The following MCTP2 variants were observed in gnomAD, a reference collection of about 807,000 sequenced individuals.
The protein encoded by MCTP2 is multiple C2 and transmembrane domain containing 2, also known as multiple C2 and transmembrane domain-containing protein 2.
MCTP2 carries 132 observed loss-of-function variants against 111.6 expected under a neutral mutation model. The ratio of observed to expected loss-of-function variants is 1.18; its 90% CI spans 1.03 to 1.37. The LOEUF is 1.37. Ranked by LOEUF, MCTP2 falls within the 40% of genes most tolerant of loss-of-function variation. The probability of loss-of-function intolerance (pLI) is 0.00; values close to 1 mark genes in which losing one functional copy is unlikely to be tolerated. For missense variants in MCTP2, 1,183 were observed against 1,067.9 expected (o/e 1.11, Z -1.50); for synonymous variants, 395 against 387.7 (o/e 1.02, Z -0.22).
chr15:94,435,629 C>CTTTTTTTTTTTTTTTTTTT lies in MCTP2; in HGVS notation c.2086-4545_2086-4527dup, dbSNP rs202170550. On this transcript the variant is annotated intron_variant, in intron 17 of 22. Coordinates refer to ENST00000357742, the MANE Select transcript of MCTP2 (RefSeq NM_001385001.1). The stretch of plus-strand genomic sequence containing the variant: ...CTAAAAAAGTTGTACTTTTTTTATT[C>CTTTTTTTTTTTTTTTTTTT]TTTTTTTTTTTTTTTTTTTTGAGAC... Among the ~76,000 whole-genome samples the CTTTTTTTTTTTTTTTTTTT allele has an allele frequency of 8.5e-5, 10 of 117,926 alleles. 1 individual carries two copies. The highest frequency in any genetic ancestry group is 2.9e-4 in the South Asian group (1 of 3,430). 77.4% of individuals were successfully genotyped at this position (117,926 alleles called of 152,430 possible).
In MCTP2 at chr15:94,339,440, C is replaced by T; in HGVS notation, c.780+8C>T. On this transcript the variant is annotated splice_region_variant and intron_variant, in intron 5 of 22. Transcript: ENST00000357742. The stretch of plus-strand genomic sequence containing the variant: ...CAAAAGCTACGTGTGAAGGTAATCA[C>T]AGATAGCTTTCAAATCTGCTCCTTT... 1 of 1,575,386 alleles carries T rather than the reference C, an allele frequency of 6.3e-7. No homozygotes were observed.
intron 14 of MCTP2, among the ~76,000 whole-genome samples, chr15:94,388,662 A>G (rs536563338): frequency 3.3e-5 from 5 of 152,226 alleles, no homozygotes; most frequent in African/African-American, 1.2e-4. Context: ...AGTGATGCTT[A>G]CAATAGAATA....
chr15:94,406,086 A>G (rs1490603264), intron 17 of MCTP2, among the ~76,000 whole-genome samples: 2 of 152,220 alleles, frequency 1.3e-5, no homozygotes, highest in Admixed American at 1.3e-4. Context: ...ATTTATATAC[A>G]TACACAAGAC....
intron 10 of MCTP2, among the ~76,000 whole-genome samples, chr15:94,361,200 G>T (rs1286430604): frequency 4.1e-5 from 6 of 147,654 alleles, no homozygotes; most frequent in Non-Finnish European, 8.9e-5. Flanking sequence ...TGCATCAGGA[G>T]GCTCTCTGCT....
At chr15:94,401,264 G>C (rs1014597342) in intron 16 of MCTP2, among the ~76,000 whole-genome samples, 2 of 152,108 alleles carry the variant, frequency 1.3e-5, no homozygotes, top group African/African-American at 4.8e-5. Flanking sequence ...ATAAATGCTT[G>C]AAAGCACTTA....
intron 14 of MCTP2, among the ~76,000 whole-genome samples, chr15:94,397,656 T>C (rs2081348654): frequency 6.6e-6 from 1 of 152,178 alleles, no homozygotes; most frequent in Non-Finnish European, 1.5e-5. Flanking sequence ...TGGGGTGACT[T>C]TGGGAAGGAA....
intron 12 of MCTP2, among the ~76,000 whole-genome samples, chr15:94,370,785 C>T (rs1378842818): frequency 2.0e-5 from 3 of 152,138 alleles, no homozygotes; most frequent in East Asian, 1.9e-4. Context: ...TGTCTGACAG[C>T]GACTCCGCAC....
intron 17 of MCTP2, among the ~76,000 whole-genome samples, chr15:94,407,257 GA>G (rs1222937322): frequency 6.6e-6 from 1 of 152,190 alleles, no homozygotes; most frequent in African/African-American, 2.4e-5. Flanking sequence ...ATCAGAAGGT[GA>G]TTTTAAACAG....
At chr15:94,379,070 G>GT (rs947050953) in intron 12 of MCTP2, among the ~76,000 whole-genome samples, 436 of 144,088 alleles carry the variant, frequency 3.0e-3, no homozygotes, top group South Asian at 7.6e-3. Flanking sequence ...TTTGTTTTTT[G>GT]TTTTTTTTTT....
Position 94,442,842 on chromosome 15 carries a change from T to A in MCTP2, c.2209-77T>A, listed in dbSNP as rs1265273552. ...AATGCTTGAAGTCTGTAGGCAAGCT[T>A]TAAAATGTGTCTGAGTTTAATTTGC... is the stretch of plus-strand genomic sequence containing the variant. On this transcript the variant is annotated intron_variant, in intron 18 of 22. Coordinates refer to ENST00000357742, the MANE Select transcript of MCTP2 (RefSeq NM_001385001.1). 4.0e-6 allele frequency: 5 copies of A among 1,258,092 alleles called. No homozygotes were observed. In the Admixed American group the frequency reaches 8.6e-5, roughly 22 times the overall value. 77.9% of individuals were successfully genotyped at this position (1,258,092 alleles called of 1,614,324 possible). A position where few individuals can be genotyped will look rare whatever the true frequency, so the allele number is the denominator to read the frequency against.
At chr15:94,233,902 A>G (rs1049250759) in intron 1 of MCTP2, among the ~76,000 whole-genome samples, 1 of 152,244 alleles carries the variant, frequency 6.6e-6, no homozygotes, top group Admixed American at 6.5e-5. Flanking sequence ...TGGTAATTAC[A>G]CACAGAAATG....
chr15:94,257,569 GTT>G (rs760633548), intron 1 of MCTP2, among the ~76,000 whole-genome samples: 1 of 33,866 alleles, frequency 3.0e-5, no homozygotes, highest in African/African-American at 1.2e-4. Context: ...TTTCTTTGTT[GTT>G]TTTTTTTTTT....
At chr15:94,403,979 C>A (rs186860015) in intron 17 of MCTP2, among the ~76,000 whole-genome samples, 1 of 152,272 alleles carries the variant, frequency 6.6e-6, no homozygotes, top group African/African-American at 2.4e-5. Flanking sequence ...TACCTACAGC[C>A]TATCATTTGG....
chr15:94,313,812 G>T (rs1199946696), intron 2 of MCTP2, among the ~76,000 whole-genome samples: 1 of 152,180 alleles, frequency 6.6e-6, no homozygotes. Context: ...CCAGTTGCTA[G>T]CCCCATGAAG....
intron 1 of MCTP2, among the ~76,000 whole-genome samples, chr15:94,278,686 G>C (rs768057819): frequency 2.4e-4 from 35 of 145,438 alleles, no homozygotes; most frequent in Admixed American, 2.4e-3. Flanking sequence ...GGCAGTGAGC[G>C]TAGTACCTAA....
chr15:94,450,271 A>G (rs189741368), intron 19 of MCTP2, among the ~76,000 whole-genome samples: 1 of 152,204 alleles, frequency 6.6e-6, no homozygotes, highest in South Asian at 2.1e-4. Context: ...AAAGAAGTAC[A>G]CTCCAGAAAG....
At chr15:94,368,288 G>A (rs191791736) in intron 11 of MCTP2, among the ~76,000 whole-genome samples, 1 of 152,330 alleles carries the variant, frequency 6.6e-6, no homozygotes, top group East Asian at 1.9e-4. Flanking sequence ...GATAAGAGCA[G>A]TGTGTGATTT....
chr15:94,270,489 G>C (rs2073848737), intron 1 of MCTP2, among the ~76,000 whole-genome samples: 1 of 152,066 alleles, frequency 6.6e-6, no homozygotes, highest in Admixed American at 6.5e-5. Context: ...GATGTCCACA[G>C]ACTGGCCTAC....
Position 94,476,674 on chromosome 15 carries a change from C to T in MCTP2, c.2471-22C>T, listed in dbSNP as rs779116673. On this transcript the variant is annotated intron_variant, in intron 21 of 22. Coordinates refer to ENST00000357742, the MANE Select transcript of MCTP2 (RefSeq NM_001385001.1). ...TAGACAGACAGACAGATAAAGAGAT[C>T]TCCTGTGTTTCTATTTTTCAGGCAT... 5 of 1,181,096 alleles carry T rather than the reference C, an allele frequency of 4.2e-6. No homozygotes were observed. The East Asian group carries it at 1.2e-4, about 28-fold the overall frequency. 73.2% of individuals were successfully genotyped at this position (1,181,096 alleles called of 1,614,324 possible).
Sources: allele counts gnomAD v4.1 joint callset (sites outside exome capture counted in the v4.1 genomes callset), GRCh38; gene constraint gnomAD v4.1.1; transcripts MANE v1.5; gene names NCBI Gene and HGNC (gene_info 2026-07-23, HGNC 2026-07-21).